Variants in HROB observed in about 807,000 individuals in gnomAD.
HROB encodes homologous recombination factor with OB-fold.
In HROB, 44 loss-of-function variants were observed where a neutral mutation model predicts 61.0. The observed-to-expected ratio is 0.72, with a 90% CI of 0.57 to 0.93. The LOEUF (loss-of-function observed/expected upper bound fraction) is 0.93. Among genes scored for constraint, HROB ranks in the 40% least tolerant of loss-of-function variants. The pLI, the probability that HROB is intolerant of heterozygous loss-of-function variation, is 0.00. For synonymous variants in HROB, 301 were observed against 310.4 expected, an observed-to-expected ratio of 0.97 and a Z score of 0.32; for missense variants, 716 against 796.2, an observed-to-expected ratio of 0.90 and a Z score of 1.21.
In HROB at chr17:44,152,717, G is replaced by A; in HGVS notation, c.1389G>A (p.Leu463=). 18 of 1,614,194 alleles carry A rather than the reference G, an allele frequency of 1.1e-5. No individual in the cohort carries two copies. The highest frequency in any genetic ancestry group is 1.5e-5 in the Non-Finnish European group (18 of 1,180,028). Residue 463 remains leucine (L), a synonymous_variant, in exon 5 of 10, where the codon CTG becomes CTA. Transcript: ENST00000585683. ...TGACCATGAAATCCACGCTAGGCCT[G>A]GATGAGAGAGACCCTAGCTGCTTCC... ...PWLTMKSTLG[L]DERDPSCFLC...
chr17:44,150,543 C>T lies in HROB; in HGVS notation c.1225-418C>T, dbSNP rs144047329. On this transcript the variant is annotated intron_variant, in intron 3 of 9. Transcript: ENST00000585683. Reference sequence around the variant, plus strand: ...TAGCTGGCATTACAGGCATGGGCCACCACGCCTGGCTAATTTTTGTATTTT... The same window carrying T: ...TAGCTGGCATTACAGGCATGGGCCATCACGCCTGGCTAATTTTTGTATTTT... 6.8e-4 allele frequency among the ~76,000 whole-genome samples: 103 copies of T among 152,262 alleles called. 1 individual carries two copies. Among genetic ancestry groups the T allele is most frequent in the Non-Finnish European group, 1.3e-3 (86 of 68,018 alleles).
intron 9 of HROB, among the ~76,000 whole-genome samples, chr17:44,159,774 C>CT (rs1042578909): frequency 1.3e-5 from 2 of 152,216 alleles, no homozygotes; most frequent in African/African-American, 4.8e-5. Flanking sequence ...AAATCAAAGA[C>CT]TTTAATACTT....
intron 2 of HROB, among the ~76,000 whole-genome samples, chr17:44,146,780 A>T (rs537533911): frequency 1.3e-5 from 2 of 150,218 alleles, no homozygotes; most frequent in Admixed American, 6.6e-5. Context: ...GCCTTTCTGT[A>T]GCCCAGACAA....
chr17:44,160,708 A>G (rs1478916368), intron 9 of HROB, among the ~76,000 whole-genome samples: 2 of 152,206 alleles, frequency 1.3e-5, no homozygotes, highest in African/African-American at 4.8e-5. Flanking sequence ...TCCACCCACA[A>G]TTATGGATAG....
Position 44,141,997 on chromosome 17 carries a change from G to C in HROB, c.-146G>C. 1 of 1,162,534 alleles carries C rather than the reference G, an allele frequency of 8.6e-7. No homozygotes were observed. 72.0% of individuals were successfully genotyped at this position (1,162,534 alleles called of 1,614,324 possible). On this transcript the variant is annotated 5_prime_UTR_variant, in exon 1 of 10. Coordinates refer to ENST00000585683, the MANE Select transcript of HROB (RefSeq NM_001171251.3). ...GTCTCCTGGCGACTTTCCCTATATC[G>C]CAGAGACTCATCCCTCTGACCCCAG...
intron 3 of HROB, 124 bp downstream of exon 3, chr17:44,149,151 C>A: frequency 9.8e-7 from 1 of 1,018,326 alleles, no homozygotes; most frequent in Non-Finnish European, 1.4e-6. Flanking sequence ...AGAGGCTTTT[C>A]AAAGCTGCAG....
Position 44,153,610 on chromosome 17 carries a change from TG to T in HROB, c.1449+835del, listed in dbSNP as rs370809436. ...AAAATACAAAATTAGCCGGACGTGT[TG>T]GCACATGCCTGTAATTCTAGCTACT... On this transcript the variant is annotated intron_variant, in intron 5 of 9. Coordinates refer to ENST00000585683, the MANE Select transcript of HROB (RefSeq NM_001171251.3). Among the ~76,000 whole-genome samples, 11 of 152,104 alleles carry T rather than the reference TG, an allele frequency of 7.2e-5. No individual in the cohort carries two copies. In the East Asian group the frequency reaches 1.6e-3, roughly 21 times the overall value.
Position 44,162,272 on chromosome 17 carries a change from T to G in HROB, c.*340T>G. 4.0e-6 allele frequency: 1 copy of G among 251,228 alleles called. No homozygotes were observed. The highest frequency in any genetic ancestry group is 7.8e-6 in the Non-Finnish European group (1 of 127,900). The allele number at this position is 251,228 out of a possible 1,614,324, so 15.6% of individuals were successfully genotyped here. A position where few individuals can be genotyped will look rare whatever the true frequency, so the allele number is the denominator to read the frequency against. On this transcript the variant is annotated 3_prime_UTR_variant, in exon 10 of 10. Coordinates refer to ENST00000585683, the MANE Select transcript of HROB (RefSeq NM_001171251.3). The stretch of plus-strand genomic sequence containing the variant: ...GTTTTCTTGTCCCTTCATACCCTAG[T>G]CCCTGGACAGCTGAGGAGATGAAAG...
intron 8 of HROB, 135 bp downstream of exon 8, chr17:44,155,546 G>A (rs1194164583): frequency 7.4e-7 from 1 of 1,355,414 alleles, no homozygotes; most frequent in African/African-American, 1.5e-5. Flanking sequence ...AGGTATCTTT[G>A]GGGACAGGAC....
In HROB at chr17:44,162,314, A is replaced by C; in HGVS notation, c.*382A>C. On this transcript the variant is annotated 3_prime_UTR_variant, in exon 10 of 10. Transcript: ENST00000585683. ...AGATGAAAGGAGCCACACCACAACA[A>C]TGGCGGCCTGCCCCTCCACACAGGG... The C allele has an allele frequency of 4.9e-6, 1 of 205,696 alleles. No individual in the cohort carries two copies. Among genetic ancestry groups the C allele is most frequent in the Non-Finnish European group, 9.9e-6 (1 of 100,962 alleles). 12.7% of individuals were successfully genotyped at this position (205,696 alleles called of 1,614,324 possible). A position where few individuals can be genotyped will look rare whatever the true frequency, so the allele number is the denominator to read the frequency against.
Position 44,147,844 on chromosome 17 carries a change from C to T in HROB, c.55-14C>T, listed in dbSNP as rs754187047. 18 of 1,604,136 alleles carry T rather than the reference C, an allele frequency of 1.1e-5. No individual in the cohort carries two copies. The Admixed American group carries it at 3.0e-4, about 27-fold the overall frequency. On this transcript the variant is annotated splice_polypyrimidine_tract_variant and intron_variant, in intron 2 of 9. Coordinates refer to ENST00000585683, the MANE Select transcript of HROB (RefSeq NM_001171251.3). ...TTCCAGATGCCAAGACCTACCATCT[C>T]TGCTTCCTTGTAGGATTTCTTGTCT...
intron 9 of HROB, among the ~76,000 whole-genome samples, chr17:44,161,588 G>A (rs1389947764): frequency 6.6e-6 from 1 of 152,188 alleles, no homozygotes; most frequent in Non-Finnish European, 1.5e-5. Flanking sequence ...TGACTGGATG[G>A]AAGGAGAGGA....
chr17:44,147,834 C>G (rs1344898330), intron 2 of HROB, 24 bp from the exon 3 acceptor site: 1 of 1,594,938 alleles, frequency 6.3e-7, no homozygotes, highest in South Asian at 1.1e-5. Context: ...GATGCCAAGA[C>G]CTACCATCTC....
intron 5 of HROB, among the ~76,000 whole-genome samples, chr17:44,154,082 G>A (rs139975155): frequency 1.3e-5 from 2 of 151,904 alleles, no homozygotes; most frequent in East Asian, 3.9e-4. Context: ...GGTGGCTCAT[G>A]CCTGTAATCC....
In HROB at chr17:44,154,614, C is replaced by A; in HGVS notation, c.1508C>A (p.Ser503Tyr). The change falls in exon 6 of 10, where the codon TCC becomes TAC. Residue 503 changes from serine to tyrosine, a missense_variant. Transcript: ENST00000585683. ...CCCAACATGGCGGTGATGATCAAGT[C>A]CCTGACTCGGAGCACAATGGACGCC... ...KVPNMAVMIK[S>Y]LTRSTMDASV... 1 of 1,614,122 alleles carries A rather than the reference C, an allele frequency of 6.2e-7. No homozygotes were observed. The highest frequency in any genetic ancestry group is 8.5e-7 in the Non-Finnish European group (1 of 1,180,010).
Position 44,153,536 on chromosome 17 carries a change from G to A in HROB, c.1449+759G>A, listed in dbSNP as rs1029202029. Among the ~76,000 whole-genome samples, 4 of 151,736 alleles carry A rather than the reference G, an allele frequency of 2.6e-5. No individual in the cohort carries two copies. The South Asian group carries it at 6.3e-4, about 24-fold the overall frequency. On this transcript the variant is annotated intron_variant, in intron 5 of 9. Coordinates refer to ENST00000585683, the MANE Select transcript of HROB (RefSeq NM_001171251.3). ...CAAGGCGGGCGGATCACCTGAGGTC[G>A]CGAGTTCAAGACCAGCCTGACCAAC...
intron 8 of HROB, among the ~76,000 whole-genome samples, 199 bp from the exon 9 acceptor site, chr17:44,157,634 C>T (rs745551236): frequency 1.1e-4 from 16 of 151,956 alleles, no homozygotes; most frequent in Non-Finnish European, 1.6e-4. Flanking sequence ...AGGCTGGTCT[C>T]GAACTCCTGA....
intron 3 of HROB, among the ~76,000 whole-genome samples, chr17:44,149,849 A>G (rs1285175684): frequency 6.6e-6 from 1 of 152,202 alleles, no homozygotes; most frequent in South Asian, 2.1e-4. Context: ...TGCACAAAGC[A>G]CACAGTGTGA....
At chr17:44,143,671 G>C (rs1387621788) in intron 1 of HROB, among the ~76,000 whole-genome samples, 1 of 151,734 alleles carries the variant, frequency 6.6e-6, no homozygotes, top group African/African-American at 2.4e-5. Flanking sequence ...AAGAAAATTA[G>C]CTGAGCACGG....
Sources: allele counts gnomAD v4.1 joint callset (sites outside exome capture counted in the v4.1 genomes callset), GRCh38; gene constraint gnomAD v4.1.1; transcripts MANE v1.5; gene names NCBI Gene and HGNC (gene_info 2026-07-23, HGNC 2026-07-21).